The following ARHGAP22 variants were observed in gnomAD, a reference collection of about 807,000 sequenced individuals.
ARHGAP22 encodes rho GTPase-activating protein 22.
In ARHGAP22, 48 loss-of-function variants were observed where a neutral mutation model predicts 59.1. The observed-to-expected ratio is 0.81, with a 90% CI of 0.64 to 1.03. The LOEUF (loss-of-function observed/expected upper bound fraction) is 1.03. ARHGAP22 is among the 50% of genes least tolerant of loss of function. The probability of loss-of-function intolerance (pLI) is 0.00; values close to 1 mark genes in which losing one functional copy is unlikely to be tolerated. For missense variants in ARHGAP22, 1,015 were observed against 958.7 expected (o/e 1.06, Z -0.78); for synonymous variants, 445 against 416.4 (o/e 1.07, Z -0.84).
chr10:48,502,324 G>T (rs754951534), intron 3 of ARHGAP22, among the ~76,000 whole-genome samples: 6 of 152,164 alleles, frequency 3.9e-5, no homozygotes, highest in Non-Finnish European at 8.8e-5. Context: ...AGGGACAATT[G>T]CAGAAGTGAA....
chr10:48,648,827 T>A (rs1028234236), intron 1 of ARHGAP22, among the ~76,000 whole-genome samples: 1 of 151,958 alleles, frequency 6.6e-6, no homozygotes, highest in African/African-American at 2.4e-5. Flanking sequence ...GCAAGGCGGG[T>A]GCCAGAGGAG....
At chr10:48,459,567 C>A in intron 5 of ARHGAP22, 117 bp downstream of exon 5, 1 of 1,199,670 alleles carries the variant, frequency 8.3e-7, no homozygotes, top group South Asian at 1.4e-5. Flanking sequence ...ACTAGGAGGG[C>A]TGGCCCACCA....
At chr10:48,503,132 G>A (rs550020535) in intron 3 of ARHGAP22, among the ~76,000 whole-genome samples, 1 of 152,320 alleles carries the variant, frequency 6.6e-6, no homozygotes, top group African/African-American at 2.4e-5. Context: ...ACCAAGGAAC[G>A]TGGTGCCATC....
chr10:48,604,662 C>G, intron 1 of ARHGAP22, 101 bp downstream of exon 1: 1 of 1,583,216 alleles, frequency 6.3e-7, no homozygotes, highest in Non-Finnish European at 8.6e-7. Flanking sequence ...CCAGAACGCC[C>G]GCCCCATGTG....
chr10:48,502,560 C>T (rs938094411), intron 3 of ARHGAP22, among the ~76,000 whole-genome samples: 2 of 152,178 alleles, frequency 1.3e-5, no homozygotes, highest in African/African-American at 4.8e-5. Context: ...CTCCAGGTGC[C>T]CTGCCCTCTT....
At chr10:48,604,402 C>T (rs2060560343) in intron 1 of ARHGAP22, among the ~76,000 whole-genome samples, 2 of 152,252 alleles carry the variant, frequency 1.3e-5, no homozygotes, top group South Asian at 4.1e-4. Flanking sequence ...CTGTGTTGGC[C>T]ACAGGGCAAA....
chr10:48,652,192 A>C (rs2062596252), intron 1 of ARHGAP22: 1 of 1,513,086 alleles, frequency 6.6e-7, no homozygotes, highest in East Asian at 2.5e-5. Flanking sequence ...AGTCAAATGC[A>C]AAGGTAATCA....
intron 2 of ARHGAP22, among the ~76,000 whole-genome samples, chr10:48,559,479 G>C (rs1316381973): frequency 6.6e-6 from 1 of 152,182 alleles, no homozygotes. Flanking sequence ...CATTTTGTCT[G>C]CATCTAGGAG....
intron 3 of ARHGAP22, among the ~76,000 whole-genome samples, chr10:48,505,778 T>C (rs2052053511): frequency 6.6e-6 from 1 of 152,144 alleles, no homozygotes; most frequent in African/African-American, 2.4e-5. Context: ...GGTGGAGGCA[T>C]GCTGGAGATG....
At chr10:48,576,792 A>G (rs2058737815) in intron 2 of ARHGAP22, among the ~76,000 whole-genome samples, 1 of 152,040 alleles carries the variant, frequency 6.6e-6, no homozygotes, top group Non-Finnish European at 1.5e-5. Context: ...ATTTATTTCT[A>G]ATTAGTATGC....
intron 2 of ARHGAP22, among the ~76,000 whole-genome samples, chr10:48,571,574 A>C (rs576262549): frequency 6.6e-5 from 10 of 152,238 alleles, no homozygotes; most frequent in African/African-American, 2.4e-4. Context: ...TTTGTGCCTC[A>C]GTTTCCTTAT....
chr10:48,595,093 T>A (rs1355394753), intron 1 of ARHGAP22, among the ~76,000 whole-genome samples: 2 of 152,142 alleles, frequency 1.3e-5, no homozygotes, highest in Non-Finnish European at 2.9e-5. Context: ...CTCCCTGGGG[T>A]GAGGCACCCT....
At chr10:48,448,419 T>G (rs76195915) in intron 9 of ARHGAP22, among the ~76,000 whole-genome samples, 1 of 152,200 alleles carries the variant, frequency 6.6e-6, no homozygotes, top group South Asian at 2.1e-4. Context: ...CAAATAAGAA[T>G]GGGGACAGAG....
intron 3 of ARHGAP22, among the ~76,000 whole-genome samples, chr10:48,545,586 A>C (rs1246157341): frequency 3.9e-5 from 6 of 152,232 alleles, no homozygotes; most frequent in Non-Finnish European, 8.8e-5. Context: ...ATAGGCCGGT[A>C]TCAGCATCCT....
At chr10:48,521,395 G>T (rs543416738) in intron 3 of ARHGAP22, among the ~76,000 whole-genome samples, 2 of 152,280 alleles carry the variant, frequency 1.3e-5, no homozygotes, top group Admixed American at 1.3e-4. Context: ...TGTGGCTCTG[G>T]CTCTTGATAT....
intron 1 of ARHGAP22, among the ~76,000 whole-genome samples, chr10:48,621,826 C>G (rs538427182): frequency 6.6e-6 from 1 of 152,144 alleles, no homozygotes; most frequent in Non-Finnish European, 1.5e-5. Context: ...CTTTGGTGCT[C>G]TAGCTAGGTG....
chr10:48,624,800 C>T (rs1363517354), intron 1 of ARHGAP22: 1 of 152,196 alleles, frequency 6.6e-6, no homozygotes, highest in Non-Finnish European at 1.5e-5. Context: ...GAAGTGATTC[C>T]ACCACATTCC....
In ARHGAP22 at chr10:48,497,609, C is replaced by T. The variant is rs539035183; in HGVS notation, c.323-17845G>A. Among the ~76,000 whole-genome samples the T allele has an allele frequency of 1.8e-3, 271 of 152,152 alleles. 1 individual carries two copies. Among genetic ancestry groups the T allele is most frequent in the African/African-American group, 6.4e-3 (264 of 41,490 alleles). The stretch of plus-strand genomic sequence containing the variant: ...GCTGAGCAGTCTGGGGAGGAAGGAG[C>T]CCCTCCAGGAAAACAGCTCTGGAAA... On this transcript the variant is annotated intron_variant, in intron 3 of 9. Transcript: ENST00000249601.
the ARHGAP22 span, among the ~76,000 whole-genome samples, chr10:48,434,019 T>C: frequency 1.3e-5 from 2 of 152,226 alleles, no homozygotes; most frequent in Admixed American, 6.5e-5. Context: ...GAGTTACCTT[T>C]AACTATCCTT....
Sources: allele counts gnomAD v4.1 joint callset (sites outside exome capture counted in the v4.1 genomes callset), GRCh38; gene constraint gnomAD v4.1.1; transcripts MANE v1.5; gene names NCBI Gene and HGNC (gene_info 2026-07-23, HGNC 2026-07-21).